DLG2: variants seen among roughly 807,000 people sequenced by gnomAD.
DLG2 encodes the protein discs large MAGUK scaffold protein 2.
Under a neutral mutation model 132.5 loss-of-function variants are expected in DLG2, and 45 were observed. The ratio of observed to expected loss-of-function variants is 0.34; its 90% CI spans 0.27 to 0.44. The LOEUF (loss-of-function observed/expected upper bound fraction) is 0.44, where lower values mean the gene tolerates loss of function less well. Among genes scored for constraint, DLG2 ranks in the 20% least tolerant of loss-of-function variants. The probability of loss-of-function intolerance (pLI) is 1.00; values close to 1 mark genes in which losing one functional copy is unlikely to be tolerated. For synonymous variants in DLG2, 424 were observed against 419.6 expected (o/e 1.01, Z -0.13); for missense variants, 1,045 against 1,196.9 (o/e 0.87, Z 1.87).
chr11:84,445,258 C>G (rs938099648), intron 7 of DLG2, among the ~76,000 whole-genome samples: 4 of 152,140 alleles, frequency 2.6e-5, no homozygotes, highest in Non-Finnish European at 5.9e-5. Flanking sequence ...ATCCTAACCC[C>G]TCTTTCTGGA....
chr11:84,465,332 T>A (rs922094055), intron 7 of DLG2, among the ~76,000 whole-genome samples: 2 of 151,250 alleles, frequency 1.3e-5, no homozygotes, highest in African/African-American at 4.8e-5. Flanking sequence ...GTTTTTGTTT[T>A]TATTTTAAAC....
chr11:83,661,373 T>G (rs1426672894), intron 18 of DLG2, among the ~76,000 whole-genome samples: 1 of 152,130 alleles, frequency 6.6e-6, no homozygotes, highest in Non-Finnish European at 1.5e-5. Context: ...GTAAAAAGCA[T>G]CTACTATTCC....
intron 3 of DLG2, among the ~76,000 whole-genome samples, chr11:85,409,716 G>T (rs1237988408): frequency 1.3e-5 from 2 of 151,774 alleles, no homozygotes; most frequent in African/African-American, 4.8e-5. Context: ...CGAATACTGG[G>T]CTTGAACTCT....
At chr11:84,042,659 G>A (rs749540143) in intron 11 of DLG2, among the ~76,000 whole-genome samples, 1 of 151,694 alleles carries the variant, frequency 6.6e-6, no homozygotes, top group East Asian at 1.9e-4. Context: ...GGGTGTGCAG[G>A]TTTGTTACAT....
intron 21 of DLG2, among the ~76,000 whole-genome samples, chr11:83,517,963 G>A (rs1357819536): frequency 6.6e-6 from 1 of 152,172 alleles, no homozygotes; most frequent in Non-Finnish European, 1.5e-5. Context: ...GGCTACTCGG[G>A]GGTCAGGGAC....
chr11:84,366,458 T>A (rs966219474), intron 7 of DLG2, among the ~76,000 whole-genome samples: 1 of 151,362 alleles, frequency 6.6e-6, no homozygotes, highest in Non-Finnish European at 1.5e-5. Flanking sequence ...AATTCACACA[T>A]AACAATATTA....
chr11:84,374,968 T>C (rs1347004868), intron 7 of DLG2, among the ~76,000 whole-genome samples: 1 of 152,174 alleles, frequency 6.6e-6, no homozygotes, highest in African/African-American at 2.4e-5. Context: ...TTCCTGTCTC[T>C]ACAAATGTGC....
At chr11:85,317,833 A>T (rs2080794123) in intron 3 of DLG2, among the ~76,000 whole-genome samples, 1 of 151,854 alleles carries the variant, frequency 6.6e-6, no homozygotes, top group African/African-American at 2.4e-5. Flanking sequence ...TGAGTAATGA[A>T]ATATCTATAT....
rs74506446 is a variant in DLG2 at position 83,527,220 on chromosome 11, C to T, written c.2193+5488G>A. On this transcript the variant is annotated intron_variant, in intron 21 of 27. Transcript: ENST00000376104. ...ATGCCCAAGTTAGGTTTTGACAAAG[C>T]TAAACCCAGTTCAATTTACTTCTTT... Among the ~76,000 whole-genome samples the T allele has an allele frequency of 6.9e-4, 105 of 152,244 alleles. 1 individual carries two copies. In the East Asian group the frequency reaches 0.02, roughly 29 times the overall value.
chr11:83,817,978 C>T (rs2049550745), intron 17 of DLG2, among the ~76,000 whole-genome samples: 1 of 152,180 alleles, frequency 6.6e-6, no homozygotes, highest in Non-Finnish European at 1.5e-5. Context: ...TCAGTGCATC[C>T]TTTTTATCAC....
chr11:84,431,646 G>A (rs1034924753), intron 7 of DLG2, among the ~76,000 whole-genome samples: 4 of 151,896 alleles, frequency 2.6e-5, no homozygotes, highest in African/African-American at 9.7e-5. Flanking sequence ...ATATCTCAGT[G>A]TTCCATATAA....
At chr11:84,960,968 C>G (rs997713369) in intron 6 of DLG2, among the ~76,000 whole-genome samples, 1 of 152,056 alleles carries the variant, frequency 6.6e-6, no homozygotes, top group African/African-American at 2.4e-5. Flanking sequence ...CTTCTCAGGT[C>G]AGATATAACT....
chr11:83,851,249 T>C (rs2059712218), intron 16 of DLG2, among the ~76,000 whole-genome samples: 1 of 151,754 alleles, frequency 6.6e-6, no homozygotes. Flanking sequence ...TAGGAAAGGA[T>C]TGTGGCAGAT....
intron 6 of DLG2, chr11:84,800,697 C>T (rs959336204): frequency 2.0e-5 from 3 of 152,124 alleles, no homozygotes; most frequent in Non-Finnish European, 4.4e-5. Flanking sequence ...AGACTTTGGA[C>T]ACCTGCTGTT....
At chr11:83,550,056 TAATC>T (rs1192641673) in intron 19 of DLG2, among the ~76,000 whole-genome samples, 2 of 152,254 alleles carry the variant, frequency 1.3e-5, no homozygotes, top group Admixed American at 6.5e-5. Context: ...TTATACCACT[TAATC>T]AACCTTATAA....
intron 8 of DLG2, among the ~76,000 whole-genome samples, chr11:84,187,807 C>T (rs760950797): frequency 6.6e-6 from 1 of 152,050 alleles, no homozygotes; most frequent in Non-Finnish European, 1.5e-5. Flanking sequence ...ATCAATAGAA[C>T]AGGAATATTC....
chr11:84,717,273 C>A lies in DLG2; in HGVS notation c.358-182542G>T, dbSNP rs184863004. On this transcript the variant is annotated intron_variant, in intron 6 of 27. Transcript: ENST00000376104. ...TTAGTAGGTAATCTTGAAATGACTG[C>A]AGGTTTCTGAAGTATCCTTATTGAA... Among the ~76,000 whole-genome samples the A allele has an allele frequency of 1.1e-3, 160 of 152,140 alleles. 1 individual carries two copies. Among genetic ancestry groups the A allele is most frequent in the African/African-American group, 3.7e-3 (153 of 41,560 alleles).
chr11:84,332,204 C>CT (rs35166465), intron 7 of DLG2, among the ~76,000 whole-genome samples: 24,458 of 137,152 alleles, frequency 0.18, 2,369 homozygotes, highest in African/African-American at 0.24. Context: ...TTTGCTTGTC[C>CT]TTTTTTTTTT....
chr11:85,624,858 G>A (rs191233453), intron 2 of DLG2, among the ~76,000 whole-genome samples: 273 of 151,870 alleles, frequency 1.8e-3, no homozygotes, highest in Non-Finnish European at 2.2e-3. Flanking sequence ...TATTGAAGAA[G>A]GAAAGAAGAA....
Sources: gnomAD v4.1 joint callset for allele counts (sites outside exome capture counted in the v4.1 genomes callset) on GRCh38, gnomAD v4.1.1 for gene constraint, MANE v1.5 for transcripts, NCBI Gene and HGNC (gene_info 2026-07-23, HGNC 2026-07-21) for gene names.